SGSM2: variants seen among roughly 807,000 people sequenced by gnomAD.
The protein encoded by SGSM2 is RUN and TBC1 domain containing 1.
A neutral mutation model predicts 126.6 loss-of-function variants in SGSM2; 89 were observed. The observed-to-expected ratio is 0.70, with a 90% CI of 0.59 to 0.84. The LOEUF (loss-of-function observed/expected upper bound fraction) is 0.84. Among genes scored for constraint, SGSM2 ranks in the 40% least tolerant of loss-of-function variants. The pLI, the probability that SGSM2 is intolerant of heterozygous loss-of-function variation, is 0.00. For missense variants in SGSM2, 1,404 were observed against 1,416.6 expected (o/e 0.99, Z 0.14); for synonymous variants, 614 against 574.3 (o/e 1.07, Z -0.99).
rs1211756524 is a variant in SGSM2 at position 2,380,192 on chromosome 17, G to A, written c.*672G>A. The A allele has an allele frequency of 7.3e-6, 11 of 1,511,434 alleles. No individual in the cohort carries two copies. Among genetic ancestry groups the A allele is most frequent in the Admixed American group, 2.0e-5 (1 of 48,846 alleles). 93.6% of individuals were successfully genotyped at this position (1,511,434 alleles called of 1,614,324 possible). ...CCTGAGGTGACCCCCAGGCCTCCCCGGCCTTGTACAGTGTACCTCTGTGTA... is the reference window on the plus strand; with the variant it reads ...CCTGAGGTGACCCCCAGGCCTCCCCAGCCTTGTACAGTGTACCTCTGTGTA... On this transcript the variant is annotated 3_prime_UTR_variant, in exon 24 of 24. Transcript: ENST00000268989.
chr17:2,369,907 C>A (rs551550898), intron 12 of SGSM2, among the ~76,000 whole-genome samples: 37 of 152,336 alleles, frequency 2.4e-4, no homozygotes, highest in Admixed American at 7.2e-4. Context: ...AGCCCCTCCT[C>A]ACCACGCGTG....
intron 2 of SGSM2, among the ~76,000 whole-genome samples, chr17:2,360,023 G>C (rs1176467366): frequency 2.0e-5 from 3 of 152,200 alleles, no homozygotes; most frequent in African/African-American, 7.2e-5. Flanking sequence ...TCATGGAGAG[G>C]AGCATGTGGA....
Position 2,375,816 on chromosome 17 carries a change from C to G in SGSM2, c.2425C>G (p.Gln809Glu). The G allele has an allele frequency of 6.4e-7, 1 of 1,558,486 alleles. No homozygotes were observed. The highest frequency in any genetic ancestry group is 1.2e-5 in the South Asian group (1 of 82,686). ...CCAGGATCCCAGCCAGGAGAAGCCTCAGGCCGGAGAACTGGAGGCCGGAGA... is the reference window on the plus strand; with the variant it reads ...CCAGGATCCCAGCCAGGAGAAGCCTGAGGCCGGAGAACTGGAGGCCGGAGA... ...EPQDPSQEKP[Q>E]AGELEAGEEL... Residue 809 changes from glutamine (Q) to glutamate (E), a missense_variant, in exon 18 of 24, where the codon CAG becomes GAG. Gln to Glu is a conservative substitution (Grantham distance 29). Coordinates refer to ENST00000268989, the MANE Select transcript of SGSM2 (RefSeq NM_014853.3).
chr17:2,354,692 G>A (rs755117297), intron 2 of SGSM2, among the ~76,000 whole-genome samples: 35 of 152,224 alleles, frequency 2.3e-4, no homozygotes, highest in Non-Finnish European at 4.7e-4. Context: ...GCCATATTGC[G>A]TCTATACGGG....
intron 2 of SGSM2, among the ~76,000 whole-genome samples, chr17:2,345,669 G>A (rs2064570827): frequency 6.6e-6 from 1 of 151,768 alleles, no homozygotes; most frequent in South Asian, 2.1e-4. Flanking sequence ...AAAATTGTGT[G>A]GGCCACACAA....
At chr17:2,346,100 G>A (rs1198053797) in intron 2 of SGSM2, among the ~76,000 whole-genome samples, 5 of 152,160 alleles carry the variant, frequency 3.3e-5, no homozygotes. Context: ...TTTTTAGTCT[G>A]AAGTTGATCC....
chr17:2,349,768 G>T (rs2064766757), intron 2 of SGSM2, among the ~76,000 whole-genome samples: 1 of 150,998 alleles, frequency 6.6e-6, no homozygotes, highest in African/African-American at 2.4e-5. Context: ...GTATATGGTT[G>T]GAATTTTCCC....
At chr17:2,345,460 G>C (rs945881725) in intron 2 of SGSM2, among the ~76,000 whole-genome samples, 1 of 152,000 alleles carries the variant, frequency 6.6e-6, no homozygotes, top group African/African-American at 2.4e-5. Context: ...GCCAGGCGTG[G>C]TGGCGGGCGC....
chr17:2,353,693 AG>A (rs1567811733), intron 2 of SGSM2, among the ~76,000 whole-genome samples: 1 of 152,020 alleles, frequency 6.6e-6, no homozygotes, highest in Non-Finnish European at 1.5e-5. Flanking sequence ...TGAGCCTGGG[AG>A]GCAGAGGTTA....
Position 2,379,598 on chromosome 17 carries a change from T to C in SGSM2, c.*78T>C, listed in dbSNP as rs1216625902. 24 of 1,545,440 alleles carry C rather than the reference T, an allele frequency of 1.6e-5. No individual in the cohort carries two copies. Among genetic ancestry groups the C allele is most frequent in the Non-Finnish European group, 2.0e-5 (23 of 1,139,442 alleles). ...GTGCAGGGGAGTCACCGCCCAGACCTCCCCAGCCACCAACCGACCCCACCT... is the reference window on the plus strand; with the variant it reads ...GTGCAGGGGAGTCACCGCCCAGACCCCCCCAGCCACCAACCGACCCCACCT... On this transcript the variant is annotated 3_prime_UTR_variant, in exon 24 of 24. Coordinates refer to ENST00000268989, the MANE Select transcript of SGSM2 (RefSeq NM_014853.3).
chr17:2,350,603 G>A (rs2064803850), intron 2 of SGSM2, among the ~76,000 whole-genome samples: 1 of 151,986 alleles, frequency 6.6e-6, no homozygotes, highest in African/African-American at 2.4e-5. Context: ...GGGCGACAGA[G>A]TGAGACTCTG....
intron 13 of SGSM2, chr17:2,371,840 T>G: frequency 2.6e-6 from 1 of 386,242 alleles, no homozygotes; most frequent in Non-Finnish European, 4.7e-6. Flanking sequence ...AGTGAATGGC[T>G]TTTATGGGAG....
intron 11 of SGSM2, among the ~76,000 whole-genome samples, chr17:2,365,906 C>T (rs375053792): frequency 2.6e-5 from 4 of 152,126 alleles, no homozygotes; most frequent in South Asian, 2.1e-4. Context: ...CCTCCATGCC[C>T]GGCTAATTTT....
chr17:2,367,628 A>G lies in SGSM2; in HGVS notation c.1423+223A>G, dbSNP rs1032287628. On this transcript the variant is annotated intron_variant, in intron 12 of 23. Transcript: ENST00000268989. This position sits in a 1 kb window ranked among gnomAD's most constrained non-coding sequence, Gnocchi z 4.0. ...GGGCAGGTGGCTCCAGGCTGTGAGGAGGAAGAGGATTTGCTAATAGGAAGG... is the reference window on the plus strand; with the variant it reads ...GGGCAGGTGGCTCCAGGCTGTGAGGGGGAAGAGGATTTGCTAATAGGAAGG... Among the ~76,000 whole-genome samples, 1 of 152,186 alleles carries G rather than the reference A, an allele frequency of 6.6e-6. No individual in the cohort carries two copies. Among genetic ancestry groups the G allele is most frequent in the Non-Finnish European group, 1.5e-5 (1 of 68,028 alleles).
At chr17:2,357,175 G>A (rs1451385915) in intron 2 of SGSM2, among the ~76,000 whole-genome samples, 1 of 152,086 alleles carries the variant, frequency 6.6e-6, no homozygotes, top group Non-Finnish European at 1.5e-5. Flanking sequence ...GCCTTTCCCT[G>A]GGAAGATGGC....
chr17:2,365,260 G>A lies in SGSM2; in HGVS notation c.1207G>A (p.Val403Met), dbSNP rs200000645. 3.3e-5 allele frequency: 53 copies of A among 1,611,240 alleles called. No homozygotes were observed. The East Asian group carries it at 8.7e-4, about 27-fold the overall frequency. The change falls in exon 11 of 24, where the codon GTG (valine) becomes ATG (methionine). Residue 403 changes from valine to methionine, a missense_variant. Transcript: ENST00000268989. ...KLRKRSSIRSVDMEEMGTGRA... is the reference protein window; with the variant it reads ...KLRKRSSIRSMDMEEMGTGRA... ...ACGGAAACGAAGCAGCATTCGCTCC[G>A]TGGATATGGAGGAGATGGGCACGGG... is the stretch of plus-strand genomic sequence containing the variant.
Position 2,380,336 on chromosome 17 carries a change from C to T in SGSM2, c.*816C>T, listed in dbSNP as rs1323587854. ...GATGATCTGGAATGCGACCGGAGCA[C>T]TTGCTCTGAGGAATCCCAGGGTGAC... On this transcript the variant is annotated 3_prime_UTR_variant, in exon 24 of 24. Transcript: ENST00000268989. The T allele has an allele frequency of 1.3e-6, 2 of 1,532,364 alleles. No individual in the cohort carries two copies. Among genetic ancestry groups the T allele is most frequent in the Non-Finnish European group, 8.7e-7 (1 of 1,143,738 alleles). 94.9% of individuals were successfully genotyped at this position (1,532,364 alleles called of 1,614,324 possible).
In SGSM2 at chr17:2,362,248, C is replaced by T; in HGVS notation, c.436C>T (p.Gln146Ter). The T allele has an allele frequency of 6.2e-7, 1 of 1,611,798 alleles. No individual in the cohort carries two copies. Among genetic ancestry groups the T allele is most frequent in the Non-Finnish European group, 8.5e-7 (1 of 1,179,254 alleles). The change falls in exon 4 of 24, where the codon CAA becomes TAA. Residue 146 changes from glutamine (Q) to a stop codon, truncating the protein, a stop_gained. Coordinates refer to ENST00000268989, the MANE Select transcript of SGSM2 (RefSeq NM_014853.3). LOFTEE classifies it high-confidence loss of function. This position sits in a 1 kb window ranked among gnomAD's most constrained non-coding sequence, Gnocchi z 4.9. ...CGAGAAAGTTCTGGACAAGGTCGTGCAATACCTGGCGGAAAACTGCAGGTG... is the reference window on the plus strand; with the variant it reads ...CGAGAAAGTTCTGGACAAGGTCGTGTAATACCTGGCGGAAAACTGCAGGTG... ...LIEKVLDKVV[Q>*]YLAENCSKYY...
intron 2 of SGSM2, among the ~76,000 whole-genome samples, chr17:2,358,869 T>C (rs1228341095): frequency 2.2e-5 from 2 of 90,682 alleles, no homozygotes; most frequent in Non-Finnish European, 4.4e-5. Context: ...TTGTTGTTGT[T>C]GTTGTTTTTT....
Sources: gnomAD v4.1 joint callset for allele counts (sites outside exome capture counted in the v4.1 genomes callset) on GRCh38, gnomAD v4.1.1 for gene constraint, Gnocchi (gnomAD v3.1) non-coding constraint, MANE v1.5 for transcripts, NCBI Gene and HGNC (gene_info 2026-07-23, HGNC 2026-07-21) for gene names.